The following FANCB variants were observed in gnomAD, a reference collection of about 807,000 sequenced individuals.
FANCB encodes the protein Fanconi anemia group B protein.
Under a neutral mutation model 38.9 loss-of-function variants are expected in FANCB, and 5 were observed. That is an observed-to-expected ratio of 0.13 (90% confidence interval 0.07 to 0.27). FANCB has a LOEUF of 0.27. FANCB is among the 10% of genes least tolerant of loss of function. FANCB has a pLI of 1.00. For synonymous variants in FANCB, 236 were observed against 215.4 expected (o/e 1.10, Z -0.84); for missense variants, 573 against 602.7 (o/e 0.95, Z 0.52).
intron 3 of FANCB, among the ~76,000 whole-genome samples, chrX:14,861,340 T>C (rs1306247249): frequency 8.9e-6 from 1 of 112,237 alleles, no homozygotes; most frequent in African/African-American, 3.2e-5. Context: ...TTAAACATCA[T>C]GCCTCGGGCT....
the FANCB span, among the ~76,000 whole-genome samples, chrX:14,759,797 C>T: frequency 9.9e-6 from 1 of 100,525 alleles, no homozygotes; most frequent in Non-Finnish European, 2.0e-5. Flanking sequence ...AACAAAAACA[C>T]AATGGAAAAA....
At chrX:14,771,985 C>T in the FANCB span, among the ~76,000 whole-genome samples, 51 of 111,681 alleles carry the variant, frequency 4.6e-4, 1 homozygote, top group South Asian at 0.019. Context: ...CCTCTAGAAG[C>T]TCCATCCCAG....
At chrX:14,758,098 G>A in the FANCB span, among the ~76,000 whole-genome samples, 3 of 110,762 alleles carry the variant, frequency 2.7e-5, no homozygotes, top group Non-Finnish European at 5.7e-5. Context: ...CCCCATTTCC[G>A]CGGTACAGCT....
the FANCB span, among the ~76,000 whole-genome samples, chrX:14,690,417 A>T: frequency 8.9e-6 from 1 of 111,905 alleles, no homozygotes; most frequent in Non-Finnish European, 1.9e-5. Flanking sequence ...ATTTGTAGTG[A>T]GAACACTTAA....
At chrX:14,810,298 G>A in the FANCB span, among the ~76,000 whole-genome samples, 27 of 112,383 alleles carry the variant, frequency 2.4e-4, no homozygotes, top group Admixed American at 7.5e-4. Context: ...CACCAGCAAC[G>A]GAACAAAGCT....
At chrX:14,867,637 T>A (rs376593764) in intron 2 of FANCB, among the ~76,000 whole-genome samples, 170 of 109,338 alleles carry the variant, frequency 1.6e-3, no homozygotes, top group Middle Eastern at 0.014. Flanking sequence ...GAACAAAACA[T>A]AGGGGAAACA....
At chrX:14,714,233 AG>A in the FANCB span, among the ~76,000 whole-genome samples, 2 of 110,981 alleles carry the variant, frequency 1.8e-5, no homozygotes, top group African/African-American at 6.5e-5. Flanking sequence ...GTTCTCAAGT[AG>A]GGTTGATTTA....
chrX:14,863,493 A>G (rs903701825), intron 3 of FANCB, among the ~76,000 whole-genome samples: 1 of 112,363 alleles, frequency 8.9e-6, no homozygotes, highest in African/African-American at 3.2e-5. Flanking sequence ...AACATTACCC[A>G]AAAATACAGA....
the FANCB span, among the ~76,000 whole-genome samples, chrX:14,819,546 A>G: frequency 2.7e-5 from 3 of 111,936 alleles, no homozygotes; most frequent in East Asian, 5.6e-4. Flanking sequence ...GCCCCCAGCT[A>G]AAGACCTCAG....
downstream of FANCB, among the ~76,000 whole-genome samples, chrX:14,831,805 C>A (rs2092328191): frequency 9.0e-6 from 1 of 111,718 alleles, no homozygotes; most frequent in Non-Finnish European, 1.9e-5. Flanking sequence ...TAGAACAAAA[C>A]CGGAAGGAAG....
At chrX:14,748,796 G>A in the FANCB span, among the ~76,000 whole-genome samples, 1 of 112,052 alleles carries the variant, frequency 8.9e-6, no homozygotes, top group Non-Finnish European at 1.9e-5. Flanking sequence ...TTACAGAAAT[G>A]GAAACTAAGG....
chrX:14,820,638 A>G, the FANCB span, among the ~76,000 whole-genome samples: 1 of 111,937 alleles, frequency 8.9e-6, no homozygotes, highest in South Asian at 3.6e-4. Context: ...GAGTAGTGGC[A>G]ATAAATAATT....
chrX:14,794,869 T>G, the FANCB span, among the ~76,000 whole-genome samples: 1 of 112,068 alleles, frequency 8.9e-6, no homozygotes, highest in Non-Finnish European at 1.9e-5. Context: ...GGGAAGGTAA[T>G]AAAAGGTGCG....
At chrX:14,812,543 A>G in the FANCB span, among the ~76,000 whole-genome samples, 5 of 109,461 alleles carry the variant, frequency 4.6e-5, no homozygotes, top group Non-Finnish European at 9.6e-5. Context: ...ACACCTCTAC[A>G]CAAATAAACT....
chrX:14,784,533 C>A, the FANCB span, among the ~76,000 whole-genome samples: 1 of 112,061 alleles, frequency 8.9e-6, no homozygotes, highest in South Asian at 3.7e-4. Flanking sequence ...GGCAAGGTTG[C>A]AGAGAAATAG....
chrX:14,809,256 G>A, the FANCB span, among the ~76,000 whole-genome samples: 1 of 112,615 alleles, frequency 8.9e-6, no homozygotes, highest in Admixed American at 9.3e-5. Context: ...GAGCGACACA[G>A]AAGATGGGTG....
the FANCB span, among the ~76,000 whole-genome samples, chrX:14,790,097 G>C: frequency 8.9e-6 from 1 of 111,871 alleles, no homozygotes; most frequent in African/African-American, 3.2e-5. Context: ...TACTATTCTA[G>C]GTTCTTGGGA....
the FANCB span, among the ~76,000 whole-genome samples, chrX:14,796,719 T>C: frequency 2.0e-4 from 15 of 76,103 alleles, no homozygotes; most frequent in East Asian, 2.3e-3. Context: ...CACACACACA[T>C]ATACACAGAG....
chrX:14,790,707 G>A, the FANCB span, among the ~76,000 whole-genome samples: 1 of 111,687 alleles, frequency 9.0e-6, no homozygotes, highest in African/African-American at 3.3e-5. Context: ...TTTTCCTGCT[G>A]AAAAACAAAG....
Sources: allele counts gnomAD v4.1 joint callset (sites outside exome capture counted in the v4.1 genomes callset), GRCh38; gene constraint gnomAD v4.1.1; transcripts MANE v1.5; gene names NCBI Gene and HGNC (gene_info 2026-07-23, HGNC 2026-07-21).